Variants in APP observed in about 807,000 individuals in gnomAD.
APP encodes amyloid beta precursor protein, also known as amyloid-beta precursor protein.
A neutral mutation model predicts 101.4 loss-of-function variants in APP; 31 were observed. The ratio of observed to expected loss-of-function variants is 0.31; its 90% CI spans 0.23 to 0.41. The LOEUF is 0.41. APP is among the 10% of genes least tolerant of loss of function. APP has a pLI of 1.00. For missense variants in APP, 839 were observed against 1,003.7 expected, an observed-to-expected ratio of 0.84 and a Z score of 2.22; for synonymous variants, 366 against 364.4, an observed-to-expected ratio of 1.00 and a Z score of -0.05.
rs1030602157 is a variant in APP, at chr21:26,115,347, G to A, written c.58-3201C>T. ...TTTTCCCCCCGAACCAACACCAGAT[G>A]TGTATATGGAAATCAGAGCAATTAG... On this transcript the variant is annotated intron_variant, in intron 1 of 17. Transcript: ENST00000346798. 5.3e-5 allele frequency among the ~76,000 whole-genome samples: 8 copies of A among 152,272 alleles called. No individual in the cohort carries two copies. The South Asian group carries it at 6.2e-4, about 12-fold the overall frequency.
intron 2 of APP, among the ~76,000 whole-genome samples, chr21:26,099,249 C>G (rs1476408449): frequency 6.6e-6 from 1 of 151,734 alleles, no homozygotes; most frequent in Non-Finnish European, 1.5e-5. Context: ...AACAGAGAAT[C>G]AAATGCTCTA....
At chr21:25,982,849 T>G (rs1490292321) in intron 8 of APP, among the ~76,000 whole-genome samples, 1 of 152,244 alleles carries the variant, frequency 6.6e-6, no homozygotes, top group Non-Finnish European at 1.5e-5. Flanking sequence ...AAGTAAATGA[T>G]GATATCATCA....
chr21:26,058,080 T>C (rs1266239054), intron 3 of APP, among the ~76,000 whole-genome samples: 4 of 152,188 alleles, frequency 2.6e-5, no homozygotes, highest in Non-Finnish European at 4.4e-5. Context: ...TATTCCATGA[T>C]GCCATCAGGG....
intron 5 of APP, among the ~76,000 whole-genome samples, chr21:26,034,367 A>G (rs1337382008): frequency 1.3e-5 from 2 of 152,176 alleles, no homozygotes; most frequent in African/African-American, 4.8e-5. Context: ...ACTATCGGCC[A>G]GGCACGGTGG....
intron 11 of APP, 84 bp downstream of exon 11, chr21:25,974,986 T>C: frequency 6.3e-7 from 1 of 1,575,770 alleles, no homozygotes. Flanking sequence ...CTCATTCTTT[T>C]TGTATGGCTT....
At chr21:26,025,391 G>GA (rs1301248275) in intron 5 of APP, among the ~76,000 whole-genome samples, 1 of 152,182 alleles carries the variant, frequency 6.6e-6, no homozygotes, top group East Asian at 1.9e-4. Flanking sequence ...AAGTCAGGAA[G>GA]AAAAATCAAA....
chr21:25,988,682 A>G (rs2042733925), intron 8 of APP, among the ~76,000 whole-genome samples: 1 of 144,320 alleles, frequency 6.9e-6, no homozygotes, highest in Non-Finnish European at 1.5e-5. Context: ...AGCCTGGGTG[A>G]TAACAGCGAA....
Position 25,932,888 on chromosome 21 carries a change from C to T in APP, c.1688-20926G>A, listed in dbSNP as rs965958939. Among the ~76,000 whole-genome samples, 52 of 152,152 alleles carry T rather than the reference C, an allele frequency of 3.4e-4. 1 individual carries two copies. The highest frequency in any genetic ancestry group is 2.6e-4 in the Admixed American group (4 of 15,278). On this transcript the variant is annotated intron_variant, in intron 13 of 17. Coordinates refer to ENST00000346798, the MANE Select transcript of APP (RefSeq NM_000484.4). ...TACAATATTAAAGCATACTCAACTT[C>T]AGTAACAGGTAATGAATGTACCTCA...
intron 2 of APP, among the ~76,000 whole-genome samples, chr21:26,104,619 A>G (rs2062138702): frequency 6.6e-6 from 1 of 152,206 alleles, no homozygotes; most frequent in Admixed American, 6.5e-5. Context: ...TCAAAGAATC[A>G]AGGGCAAAAA....
chr21:25,986,590 C>G (rs9980088), intron 8 of APP, among the ~76,000 whole-genome samples: 8,657 of 150,010 alleles, frequency 0.058, 331 homozygotes, highest in South Asian at 0.094. Flanking sequence ...ATCCCAGCTA[C>G]TTGGGAGGCT....
intron 6 of APP, among the ~76,000 whole-genome samples, chr21:26,006,447 C>A (rs10084571): frequency 1.3e-5 from 2 of 152,164 alleles, no homozygotes; most frequent in African/African-American, 4.8e-5. Flanking sequence ...TAAAACTCCA[C>A]GCATTTTATC....
intron 5 of APP, among the ~76,000 whole-genome samples, chr21:26,025,170 C>T (rs1055006682): frequency 6.6e-6 from 1 of 152,154 alleles, no homozygotes; most frequent in African/African-American, 2.4e-5. Flanking sequence ...GGCTACATTT[C>T]AAAAGAATCC....
chr21:25,976,256 T>C (rs1016936095), intron 9 of APP, among the ~76,000 whole-genome samples: 1 of 152,130 alleles, frequency 6.6e-6, no homozygotes, highest in Non-Finnish European at 1.5e-5. Flanking sequence ...TGCAGGAATA[T>C]AGCTTTTTGA....
chr21:26,002,363 G>A (rs1304858010), intron 6 of APP, among the ~76,000 whole-genome samples: 2 of 750 alleles, frequency 2.7e-3, no homozygotes, highest in Non-Finnish European at 6.7e-3. Flanking sequence ...ACAATAGTTA[G>A]TCCCCATTTG....
chr21:25,905,345 A>G (rs1226816174), intron 14 of APP, among the ~76,000 whole-genome samples: 1 of 152,174 alleles, frequency 6.6e-6, no homozygotes, highest in Non-Finnish European at 1.5e-5. Flanking sequence ...CAGCAACATC[A>G]AAGAAGAGGG....
At chr21:25,942,497 A>G (rs1354884814) in intron 13 of APP, 2 of 152,218 alleles carry the variant, frequency 1.3e-5, no homozygotes, top group African/African-American at 4.8e-5. Flanking sequence ...ACCAAATGCT[A>G]CGAGACGCAG....
intron 11 of APP, among the ~76,000 whole-genome samples, chr21:25,965,945 G>A (rs1259695704): frequency 6.6e-6 from 1 of 152,208 alleles, no homozygotes; most frequent in Non-Finnish European, 1.5e-5. Flanking sequence ...ATAGCATCCT[G>A]TGAAGACCTA....
chr21:26,147,806 C>G (rs1351485709), intron 1 of APP, among the ~76,000 whole-genome samples: 1 of 148,148 alleles, frequency 6.8e-6, no homozygotes, highest in African/African-American at 2.5e-5. Flanking sequence ...CTAATCAGAA[C>G]ATCAAAAAAA....
chr21:25,983,029 A>G (rs917283306), intron 8 of APP, among the ~76,000 whole-genome samples: 13 of 152,214 alleles, frequency 8.5e-5, no homozygotes, highest in African/African-American at 3.1e-4. Context: ...TATAAACATC[A>G]ATAAACACAT....
Sources: allele counts gnomAD v4.1 joint callset (sites outside exome capture counted in the v4.1 genomes callset), GRCh38; gene constraint gnomAD v4.1.1; transcripts MANE v1.5; gene names NCBI Gene and HGNC (gene_info 2026-07-23, HGNC 2026-07-21).